The following COL23A1 variants were observed in gnomAD, a reference collection of about 807,000 sequenced individuals.
COL23A1 encodes collagen type XXIII alpha 1 chain, also known as collagen alpha-1(XXIII) chain.
A neutral mutation model predicts 99.3 loss-of-function variants in COL23A1; 97 were observed. The observed-to-expected ratio is 0.98, with a 90% CI of 0.83 to 1.16. COL23A1 has a LOEUF of 1.16. Ranked by LOEUF, COL23A1 falls within the 50% of genes most tolerant of loss-of-function variation. The pLI is 0.00. For missense variants in COL23A1, 762 were observed against 757.4 expected, an observed-to-expected ratio of 1.01 and a Z score of -0.07; for synonymous variants, 320 against 308.2, an observed-to-expected ratio of 1.04 and a Z score of -0.40.
chr5:178,372,255 TG>T (rs1421795843), intron 2 of COL23A1, among the ~76,000 whole-genome samples: 1 of 152,208 alleles, frequency 6.6e-6, no homozygotes, highest in Non-Finnish European at 1.5e-5. Flanking sequence ...AGAGTGGTGC[TG>T]GGCTCCGATG....
chr5:178,502,201 G>T (rs664185), intron 2 of COL23A1, among the ~76,000 whole-genome samples: 4 of 151,988 alleles, frequency 2.6e-5, no homozygotes, highest in Non-Finnish European at 5.9e-5. Flanking sequence ...GCGTGATCTC[G>T]GCCCACTGCA....
Position 178,520,201 on chromosome 5 carries a change from C to A in COL23A1, c.361+40481G>T, listed in dbSNP as rs1759864173. Among the ~76,000 whole-genome samples, 7 of 152,016 alleles carry A rather than the reference C, an allele frequency of 4.6e-5. No individual in the cohort carries two copies. In the South Asian group the frequency reaches 1.5e-3, roughly 32 times the overall value. Reference sequence around the variant, plus strand: ...AATGCATCGAAGGATGGATGGATGGCTGGTAAGGAAGGAGGGAAGACTGGG... The same window carrying A: ...AATGCATCGAAGGATGGATGGATGGATGGTAAGGAAGGAGGGAAGACTGGG... On this transcript the variant is annotated intron_variant, in intron 2 of 28. Transcript: ENST00000390654.
intron 2 of COL23A1, among the ~76,000 whole-genome samples, chr5:178,364,564 C>G (rs1762360447): frequency 6.6e-6 from 1 of 152,088 alleles, no homozygotes; most frequent in Non-Finnish European, 1.5e-5. Flanking sequence ...CTTCCTAAGG[C>G]TATCTGATCC....
chr5:178,370,182 C>T (rs1384326676), intron 2 of COL23A1, among the ~76,000 whole-genome samples: 1 of 152,268 alleles, frequency 6.6e-6, no homozygotes, highest in African/African-American at 2.4e-5. Flanking sequence ...AATCAAAGGA[C>T]TCACAAAAGG....
At chr5:178,375,732 G>T (rs1283120104) in intron 2 of COL23A1, among the ~76,000 whole-genome samples, 1 of 152,074 alleles carries the variant, frequency 6.6e-6, no homozygotes, top group South Asian at 2.1e-4. Context: ...TTTTGAGACG[G>T]AGTCTGCCTC....
At chr5:178,545,831 C>T (rs2113386538) in intron 2 of COL23A1, among the ~76,000 whole-genome samples, 1 of 152,304 alleles carries the variant, frequency 6.6e-6, no homozygotes, top group Non-Finnish European at 1.5e-5. Context: ...GATACATGAA[C>T]AGACATATTT....
At chr5:178,556,297 A>C (rs964891127) in intron 2 of COL23A1, among the ~76,000 whole-genome samples, 1 of 152,144 alleles carries the variant, frequency 6.6e-6, no homozygotes, top group African/African-American at 2.4e-5. Flanking sequence ...ATTAAAAAAA[A>C]AGAAGGAGGA....
chr5:178,500,424 C>CAA (rs770679841), intron 2 of COL23A1, among the ~76,000 whole-genome samples: 2,308 of 65,612 alleles, frequency 0.035, 94 homozygotes, highest in Non-Finnish European at 0.042. Context: ...CCCATCTCTA[C>CAA]AAAAAAAAAA....
chr5:178,365,619 G>A lies in COL23A1; in HGVS notation c.362-58700C>T, dbSNP rs1156671407. On this transcript the variant is annotated intron_variant, in intron 2 of 28. Coordinates refer to ENST00000390654, the MANE Select transcript of COL23A1 (RefSeq NM_173465.4). This position sits in a 1 kb window ranked among gnomAD's most constrained non-coding sequence, Gnocchi z 5.2. ...ACCACATGCCCCAGCCTCACCCCAC[G>A]GCCCGCCCAGCACCCGCCAGGCATG... 1.7e-4 allele frequency among the ~76,000 whole-genome samples: 26 copies of A among 152,210 alleles called. 1 individual carries two copies. Among genetic ancestry groups the A allele is most frequent in the Admixed American group, 1.6e-3 (24 of 15,292 alleles).
chr5:178,563,302 C>A (rs923568640), intron 1 of COL23A1, among the ~76,000 whole-genome samples: 8 of 152,224 alleles, frequency 5.3e-5, no homozygotes, highest in Admixed American at 5.2e-4. Flanking sequence ...CCTGGGCCAG[C>A]CCCCAGCTTC....
chr5:178,303,651 T>C (rs1283558793), intron 3 of COL23A1, among the ~76,000 whole-genome samples: 3 of 152,232 alleles, frequency 2.0e-5, no homozygotes, highest in Non-Finnish European at 4.4e-5. Context: ...CCTCCGTTTG[T>C]CTCTGTAGGT....
intron 2 of COL23A1, among the ~76,000 whole-genome samples, chr5:178,372,570 CGA>C (rs977155751): frequency 6.6e-6 from 1 of 152,122 alleles, no homozygotes; most frequent in Non-Finnish European, 1.5e-5. Context: ...GCCCAGCTTC[CGA>C]TTTCTTTTTT....
chr5:178,288,089 T>C (rs968114418), intron 5 of COL23A1, among the ~76,000 whole-genome samples: 2 of 152,058 alleles, frequency 1.3e-5, no homozygotes, highest in African/African-American at 4.8e-5. Flanking sequence ...GGCAGGTGGA[T>C]TCAGTGCCAC....
At chr5:178,542,773 G>A (rs1161922814) in intron 2 of COL23A1, among the ~76,000 whole-genome samples, 1 of 152,302 alleles carries the variant, frequency 6.6e-6, no homozygotes, top group Non-Finnish European at 1.5e-5. Flanking sequence ...GTGTAAATCT[G>A]AACAGTCTCT....
rs961706440 is a variant in COL23A1, at chr5:178,415,500, G to A, written c.362-108581C>T. Among the ~76,000 whole-genome samples the A allele has an allele frequency of 2.0e-5, 3 of 152,122 alleles. No individual in the cohort carries two copies. The East Asian group carries it at 5.8e-4, about 29-fold the overall frequency. On this transcript the variant is annotated intron_variant, in intron 2 of 28. Transcript: ENST00000390654. This position sits in a 1 kb window ranked among gnomAD's most constrained non-coding sequence, Gnocchi z 4.6. The stretch of plus-strand genomic sequence containing the variant: ...CTGCACAGGCTTGCTGCTGCCAGCC[G>A]GCCTCCACGAACACTTCTACTGTCT...
intron 2 of COL23A1, among the ~76,000 whole-genome samples, chr5:178,423,292 T>G (rs1765733273): frequency 6.6e-6 from 1 of 152,128 alleles, no homozygotes; most frequent in Non-Finnish European, 1.5e-5. Context: ...GCCTGAATTT[T>G]GCATTTTGAT....
Position 178,384,227 on chromosome 5 carries a change from G to A in COL23A1, c.362-77308C>T, listed in dbSNP as rs892279392. On this transcript the variant is annotated intron_variant, in intron 2 of 28. Transcript: ENST00000390654. This position sits in a 1 kb window ranked among gnomAD's most constrained non-coding sequence, Gnocchi z 5.5. ...GCAGCGTGGAGCCAGACGCTGCTGC[G>A]AGCTGAGCTGCGATCGCAAATGCAC... Among the ~76,000 whole-genome samples the A allele has an allele frequency of 1.1e-4, 17 of 152,316 alleles. No individual in the cohort carries two copies. The highest frequency in any genetic ancestry group is 8.5e-4 in the Admixed American group (13 of 15,306).
At chr5:178,329,293 C>T (rs963742283) in intron 2 of COL23A1, among the ~76,000 whole-genome samples, 7 of 152,230 alleles carry the variant, frequency 4.6e-5, no homozygotes, top group African/African-American at 1.7e-4. Context: ...TTCGAATTCA[C>T]CCGAGTCGGC....
intron 2 of COL23A1, among the ~76,000 whole-genome samples, chr5:178,442,333 A>G (rs1766918456): frequency 6.6e-6 from 1 of 152,184 alleles, no homozygotes; most frequent in East Asian, 1.9e-4. Context: ...GTTTGTCCAA[A>G]CAGGTTTGCA....
Sources: gnomAD v4.1 joint callset for allele counts (sites outside exome capture counted in the v4.1 genomes callset) on GRCh38, gnomAD v4.1.1 for gene constraint, Gnocchi (gnomAD v3.1) non-coding constraint, MANE v1.5 for transcripts, NCBI Gene and HGNC (gene_info 2026-07-23, HGNC 2026-07-21) for gene names.